The following SLC22A23 variants were observed in gnomAD, a reference collection of about 807,000 sequenced individuals.
SLC22A23 encodes the protein solute carrier family 22 member 23.
In SLC22A23, 26 loss-of-function variants were observed where a neutral mutation model predicts 61.0. The ratio of observed to expected loss-of-function variants is 0.43; its 90% CI spans 0.31 to 0.59. The LOEUF is 0.59. Ranked by LOEUF, SLC22A23 falls within the 20% of genes least tolerant of loss-of-function variation. SLC22A23 has a pLI of 0.11. For missense variants in SLC22A23, 796 were observed against 934.7 expected, an observed-to-expected ratio of 0.85 and a Z score of 1.94; for synonymous variants, 430 against 413.9, an observed-to-expected ratio of 1.04 and a Z score of -0.47.
At chr6:3,379,341 ACTAT>A (rs1766805516) in intron 3 of SLC22A23, among the ~76,000 whole-genome samples, 1 of 152,286 alleles carries the variant, frequency 6.6e-6, no homozygotes, top group East Asian at 1.9e-4. Flanking sequence ...CTTTTTAATG[ACTAT>A]CTATGAACTC....
rs112258484 is a variant in SLC22A23, at chr6:3,278,097, G to A, written c.1704-4685C>T. ...CTGGAGCAGAGGACCCAGCCAGGCC[G>A]TGCCCAGACTCTGGAGCCATGGAAA... On this transcript the variant is annotated intron_variant, in intron 9 of 9. Transcript: ENST00000406686. Among the ~76,000 whole-genome samples, 28 of 152,346 alleles carry A rather than the reference G, an allele frequency of 1.8e-4. 1 individual carries two copies. Among genetic ancestry groups the A allele is most frequent in the African/African-American group, 5.8e-4 (24 of 41,576 alleles).
chr6:3,435,248 C>T (rs908946722), intron 1 of SLC22A23, among the ~76,000 whole-genome samples: 3 of 152,144 alleles, frequency 2.0e-5, no homozygotes, highest in African/African-American at 4.8e-5. Context: ...GTAAAACACT[C>T]AGCCCAGCCA....
At chr6:3,305,752 A>G (rs973257158) in intron 4 of SLC22A23, among the ~76,000 whole-genome samples, 2 of 152,246 alleles carry the variant, frequency 1.3e-5, no homozygotes, top group African/African-American at 4.8e-5. Context: ...TGTCTGGTGC[A>G]TCCTCACATG....
At chr6:3,393,188 G>A (rs978582950) in intron 3 of SLC22A23, among the ~76,000 whole-genome samples, 4 of 152,172 alleles carry the variant, frequency 2.6e-5, no homozygotes, top group Non-Finnish European at 5.9e-5. Context: ...CCTGAGCAGC[G>A]GGGGTGACGA....
intron 1 of SLC22A23, among the ~76,000 whole-genome samples, chr6:3,452,910 TGA>T (rs1411021658): frequency 6.6e-6 from 1 of 152,152 alleles, no homozygotes; most frequent in Non-Finnish European, 1.5e-5. Flanking sequence ...AGCCTAAAAC[TGA>T]GAAAATCCTG....
At position 3,283,926 on chromosome 6, in the gene SLC22A23, C is replaced by A. The variant is rs566206184; in HGVS notation, c.1629G>T (p.Val543=). The A allele has an allele frequency of 6.2e-7, 1 of 1,609,776 alleles. No individual in the cohort carries two copies. The highest frequency in any genetic ancestry group is 1.3e-5 in the African/African-American group (1 of 74,986). Residue 543 remains valine, a synonymous_variant, in exon 9 of 10, where the codon GTG becomes GTT. Coordinates refer to ENST00000406686, the MANE Select transcript of SLC22A23 (RefSeq NM_015482.2). ...KDKFSIAFSI[V]GMFASHAVGS... ...CCACCGCATGGGAGGCAAACATGCC[C>A]ACGATGGAAAACGCGATGGAAAATT...
rs529979670 is a variant in SLC22A23 at position 3,269,651 on chromosome 6, C to T, written c.*3404G>A. 3 of 53,980 alleles carry T rather than the reference C, an allele frequency of 5.6e-5. No homozygotes were observed. Among genetic ancestry groups the T allele is most frequent in the South Asian group, 4.7e-4 (1 of 2,112 alleles). 3.3% of individuals were successfully genotyped at this position (53,980 alleles called of 1,614,324 possible). ...CAGAAACACAGTTTTTATATTACAA[C>T]CTCAAGGACAGGGAGGGAAGTGTTC... is the stretch of plus-strand genomic sequence containing the variant. On this transcript the variant is annotated 3_prime_UTR_variant, in exon 10 of 10. Coordinates refer to ENST00000406686, the MANE Select transcript of SLC22A23 (RefSeq NM_015482.2).
chr6:3,400,481 T>C (rs1768307243), intron 3 of SLC22A23, among the ~76,000 whole-genome samples: 2 of 152,252 alleles, frequency 1.3e-5, no homozygotes, highest in African/African-American at 4.8e-5. Context: ...AGTAGGATGG[T>C]GGCCATCACG....
At chr6:3,278,920 A>G (rs1456446370) in intron 9 of SLC22A23, among the ~76,000 whole-genome samples, 2 of 152,126 alleles carry the variant, frequency 1.3e-5, no homozygotes, top group Non-Finnish European at 2.9e-5. Context: ...CTCACACGGG[A>G]GTCACATACA....
intron 1 of SLC22A23, among the ~76,000 whole-genome samples, chr6:3,420,495 CAAATAGATTGCTT>C (rs1251874691): frequency 1.1e-4 from 17 of 151,852 alleles, no homozygotes. Flanking sequence ...AAATTGGAAG[CAAATAGATTGCTT>C]CTTTAATTTT....
intron 3 of SLC22A23, among the ~76,000 whole-genome samples, chr6:3,388,501 T>C (rs1767451534): frequency 6.6e-6 from 1 of 152,202 alleles, no homozygotes; most frequent in Non-Finnish European, 1.5e-5. Flanking sequence ...ACTGTGACAC[T>C]TCCTCGAAAA....
intron 5 of SLC22A23, 105 bp from the exon 6 acceptor site, chr6:3,289,971 G>T: frequency 1.4e-6 from 1 of 725,342 alleles, no homozygotes; most frequent in Non-Finnish European, 2.3e-6. Context: ...CCACAGAAGG[G>T]AGAGAGAAGC....
intron 3 of SLC22A23, among the ~76,000 whole-genome samples, chr6:3,402,382 C>T (rs1316478555): frequency 6.6e-6 from 1 of 152,234 alleles, no homozygotes; most frequent in African/African-American, 2.4e-5. Flanking sequence ...GTTCCATCCT[C>T]CTTCCTTGGC....
At position 3,427,266 on chromosome 6, in the gene SLC22A23, TATTACTC is replaced by T. The variant is rs999677903; in HGVS notation, c.655-11418_655-11412del. 2.0e-5 allele frequency among the ~76,000 whole-genome samples: 3 copies of T among 152,122 alleles called. No homozygotes were observed. The highest frequency in any genetic ancestry group is 7.2e-5 in the African/African-American group (3 of 41,420). On this transcript the variant is annotated intron_variant, in intron 1 of 9. Transcript: ENST00000406686. The surrounding 1 kb of genome is among the most constrained non-coding windows in gnomAD (Gnocchi z 4.3). ...GGTGCAGTAACCGGCACAAAGTGAT[TATTACTC>T]ATTAATTTTGTCTGTCAGTTAAGCA...
At chr6:3,338,733 G>T (rs1265379997) in intron 3 of SLC22A23, among the ~76,000 whole-genome samples, 2 of 152,190 alleles carry the variant, frequency 1.3e-5, no homozygotes, top group Admixed American at 1.3e-4. Flanking sequence ...ATAATTATGT[G>T]ATAATGTTTG....
At chr6:3,417,148 T>C (rs1769774130) in intron 1 of SLC22A23, among the ~76,000 whole-genome samples, 1 of 152,086 alleles carries the variant, frequency 6.6e-6, no homozygotes, top group Non-Finnish European at 1.5e-5. Flanking sequence ...TCTGTGTCAG[T>C]GGATGCAGGG....
At chr6:3,306,557 C>G (rs547219717) in intron 4 of SLC22A23, among the ~76,000 whole-genome samples, 138 of 152,332 alleles carry the variant, frequency 9.1e-4, no homozygotes, top group Middle Eastern at 3.4e-3. Flanking sequence ...AATGGCAGAG[C>G]TGGGATTTAA....
Position 3,456,270 on chromosome 6 carries a change from T to C in SLC22A23, c.290A>G (p.Lys97Arg). ...GATCCAGGTGAGCAGCACGAGGGTC[T>C]TCTGATAGCCCCCGCCCAGGCCCCC... The part of the protein sequence containing the change: ...FLGGLGGGYQ[K>R]TLVLLTWIPA... The change falls in exon 1 of 10, where the codon AAG becomes AGG. Residue 97 changes from lysine to arginine, a missense_variant. Lys to Arg is a conservative substitution (Grantham distance 26, BLOSUM62 2). Transcript: ENST00000406686. This position sits in a 1 kb window ranked among gnomAD's most constrained non-coding sequence, Gnocchi z 7.1. 1 of 1,551,336 alleles carries C rather than the reference T, an allele frequency of 6.4e-7. No individual in the cohort carries two copies. Among genetic ancestry groups the C allele is most frequent in the Non-Finnish European group, 8.7e-7 (1 of 1,146,836 alleles).
At chr6:3,428,875 T>C (rs1770674833) in intron 1 of SLC22A23, among the ~76,000 whole-genome samples, 1 of 152,150 alleles carries the variant, frequency 6.6e-6, no homozygotes, top group African/African-American at 2.4e-5. Context: ...TAACATTCAG[T>C]GAAACAAAGT....
Sources: allele counts gnomAD v4.1 joint callset (sites outside exome capture counted in the v4.1 genomes callset), GRCh38; gene constraint gnomAD v4.1.1; non-coding constraint Gnocchi (gnomAD v3.1); transcripts MANE v1.5; gene names NCBI Gene and HGNC (gene_info 2026-07-23, HGNC 2026-07-21).